The following ATP2C2 variants were observed in gnomAD, a reference collection of about 807,000 sequenced individuals.
ATP2C2 encodes the protein ATPase secretory pathway Ca2+ transporting 2.
In ATP2C2, 171 loss-of-function variants were observed where a neutral mutation model predicts 110.8. The observed-to-expected ratio is 1.54, with a 90% CI of 1.36 to 1.75. The LOEUF is 1.75. ATP2C2 is among the 40% of genes most tolerant of loss of function. ATP2C2 has a pLI of 0.00. For missense variants in ATP2C2, 1,963 were observed against 1,235.0 expected (o/e 1.59, Z -8.84); for synonymous variants, 804 against 508.4 (o/e 1.58, Z -7.82).
At chr16:84,397,041 T>TG (rs1392812086) in intron 1 of ATP2C2, among the ~76,000 whole-genome samples, 8 of 151,924 alleles carry the variant, frequency 5.3e-5, no homozygotes, top group African/African-American at 1.9e-4. Context: ...ATACCTCTCC[T>TG]GCTTCCTTTT....
intron 1 of ATP2C2, among the ~76,000 whole-genome samples, chr16:84,390,189 C>A (rs542158757): frequency 6.6e-6 from 1 of 152,356 alleles, no homozygotes; most frequent in African/African-American, 2.4e-5. Context: ...TAGGGTCTAA[C>A]GCAGTCCAAG....
chr16:84,406,246 C>CAGAAAG (rs1905757063), intron 3 of ATP2C2, among the ~76,000 whole-genome samples: 1 of 152,206 alleles, frequency 6.6e-6, no homozygotes, highest in Non-Finnish European at 1.5e-5. Flanking sequence ...GAAAAAACTG[C>CAGAAAG]AATTGACATG....
chr16:84,455,575 A>C (rs914886680), intron 21 of ATP2C2, among the ~76,000 whole-genome samples: 12 of 148,306 alleles, frequency 8.1e-5, no homozygotes, highest in Admixed American at 4.8e-4. Context: ...TCCTAATTTT[A>C]ATTAGTTCTG....
At chr16:84,411,039 A>G in intron 6 of ATP2C2, 8 of 516,066 alleles carry the variant, frequency 1.6e-5, no homozygotes, top group South Asian at 1.4e-4. Context: ...GACTCTGGGA[A>G]GAGGGTAGCC....
At chr16:84,453,402 C>G (rs763888236) in intron 20 of ATP2C2, 31 bp downstream of exon 20, 1 of 1,613,148 alleles carries the variant, frequency 6.2e-7, no homozygotes, top group East Asian at 2.2e-5. Context: ...ACAGGCTGCG[C>G]TGCTGGGGCC....
At chr16:84,441,989 TG>T (rs1361805863) in intron 14 of ATP2C2, among the ~76,000 whole-genome samples, 1 of 151,700 alleles carries the variant, frequency 6.6e-6, no homozygotes, top group African/African-American at 2.4e-5. Context: ...AGAAAAGAAA[TG>T]GGCAGAGAAG....
At chr16:84,415,169 C>T (rs1367270940) in intron 6 of ATP2C2, among the ~76,000 whole-genome samples, 3 of 152,264 alleles carry the variant, frequency 2.0e-5, no homozygotes, top group South Asian at 4.1e-4. Flanking sequence ...CTGCCGGCTG[C>T]ATTTGGAGGC....
intron 7 of ATP2C2, among the ~76,000 whole-genome samples, chr16:84,420,220 C>T (rs1483789526): frequency 6.6e-6 from 1 of 152,122 alleles, no homozygotes; most frequent in Admixed American, 6.5e-5. Context: ...ATCGTCATTT[C>T]CCCCACCTCC....
chr16:84,461,701 G>A lies in ATP2C2; in HGVS notation c.2482-13G>A, dbSNP rs775425505. Reference sequence around the variant, plus strand: ...TTCCCGCCTAACCTCTCACCTTTGTGCTCACCTTCCAGATGCCTGAAGACA... The same window carrying A: ...TTCCCGCCTAACCTCTCACCTTTGTACTCACCTTCCAGATGCCTGAAGACA... On this transcript the variant is annotated splice_polypyrimidine_tract_variant and intron_variant, in intron 24 of 26. Transcript: ENST00000262429. The A allele has an allele frequency of 2.4e-5, 39 of 1,611,382 alleles. No homozygotes were observed. In the South Asian group the frequency reaches 4.0e-4, roughly 16 times the overall value.
At chr16:84,444,467 C>T (rs925058827) in intron 15 of ATP2C2, among the ~76,000 whole-genome samples, 12 of 152,038 alleles carry the variant, frequency 7.9e-5, no homozygotes, top group African/African-American at 2.4e-4. Flanking sequence ...AGCAAGACTC[C>T]GTCTCAAAAA....
At chr16:84,425,868 G>T in intron 11 of ATP2C2, 67 bp downstream of exon 11, 9 of 1,556,566 alleles carry the variant, frequency 5.8e-6, no homozygotes, top group Middle Eastern at 1.7e-4. Flanking sequence ...CTTCCCTGCC[G>T]CAAGAGAAGG....
intron 11 of ATP2C2, among the ~76,000 whole-genome samples, chr16:84,433,924 G>T (rs116247519): frequency 1.3e-5 from 2 of 152,130 alleles, no homozygotes; most frequent in Admixed American, 1.3e-4. Context: ...TGATCCATGC[G>T]AGTGGACTTG....
intron 1 of ATP2C2, among the ~76,000 whole-genome samples, chr16:84,381,354 A>G (rs1407411892): frequency 6.6e-6 from 1 of 152,142 alleles, no homozygotes; most frequent in Non-Finnish European, 1.5e-5. Flanking sequence ...CGTGCAAGTC[A>G]CAGGGGATGT....
intron 1 of ATP2C2, among the ~76,000 whole-genome samples, chr16:84,396,341 T>C (rs1314395035): frequency 6.6e-6 from 1 of 151,746 alleles, no homozygotes; most frequent in Non-Finnish European, 1.5e-5. Flanking sequence ...AGGTCAGAAA[T>C]TTGAGACCAG....
At chr16:84,461,901 C>G (rs1911394396) in intron 25 of ATP2C2, 87 bp from the exon 26 acceptor site, 2 of 1,607,758 alleles carry the variant, frequency 1.2e-6, no homozygotes, top group South Asian at 1.1e-5. Flanking sequence ...TTGAGCGGCT[C>G]TGGCTCAGCG....
intron 17 of ATP2C2, among the ~76,000 whole-genome samples, chr16:84,449,825 A>T (rs1910094004): frequency 6.6e-6 from 1 of 152,220 alleles, no homozygotes; most frequent in African/African-American, 2.4e-5. Flanking sequence ...GCCTCTGCTG[A>T]CGAAATGGCT....
At chr16:84,414,946 G>C (rs1906702200) in intron 6 of ATP2C2, among the ~76,000 whole-genome samples, 1 of 152,178 alleles carries the variant, frequency 6.6e-6, no homozygotes, top group African/African-American at 2.4e-5. Flanking sequence ...CAGGTCGGAG[G>C]TCAGAGTCAG....
At chr16:84,446,860 C>T (rs1909797944) in intron 16 of ATP2C2, among the ~76,000 whole-genome samples, 1 of 152,158 alleles carries the variant, frequency 6.6e-6, no homozygotes, top group African/African-American at 2.4e-5. Context: ...CTTGCCAGTC[C>T]TCTCTTTGCA....
At chr16:84,453,563 C>T (rs572147475) in intron 20 of ATP2C2, among the ~76,000 whole-genome samples, 192 bp downstream of exon 20, 15 of 152,216 alleles carry the variant, frequency 9.9e-5, no homozygotes, top group East Asian at 1.9e-4. Flanking sequence ...AGCAGGGGCG[C>T]GTGGGCAGCT....
Sources: gnomAD v4.1 joint callset for allele counts (sites outside exome capture counted in the v4.1 genomes callset) on GRCh38, gnomAD v4.1.1 for gene constraint, MANE v1.5 for transcripts, NCBI Gene and HGNC (gene_info 2026-07-23, HGNC 2026-07-21) for gene names.